The following KIF26B variants were observed in gnomAD, a reference collection of about 807,000 sequenced individuals.
KIF26B encodes kinesin family member 26B.
In KIF26B, 63 loss-of-function variants were observed where a neutral mutation model predicts 151.2. The ratio of observed to expected loss-of-function variants is 0.42; its 90% CI spans 0.34 to 0.51. KIF26B has a LOEUF of 0.51. Ranked by LOEUF, KIF26B falls within the 20% of genes least tolerant of loss-of-function variation. The pLI is 0.07. For synonymous variants in KIF26B, 1,357 were observed against 1,262.1 expected (o/e 1.08, Z -1.59); for missense variants, 2,813 against 2,913.6 (o/e 0.97, Z 0.79).
At chr1:245,580,532 T>C (rs144411818) in intron 5 of KIF26B, among the ~76,000 whole-genome samples, 105 of 152,146 alleles carry the variant, frequency 6.9e-4, no homozygotes, top group African/African-American at 2.4e-3. Flanking sequence ...GAGGGAACCA[T>C]GTTGGGGGGA....
intron 3 of KIF26B, among the ~76,000 whole-genome samples, chr1:245,391,381 ACTC>A (rs979747942): frequency 1.2e-4 from 19 of 152,274 alleles, no homozygotes; most frequent in Non-Finnish European, 2.5e-4. Context: ...CTATTCAAAT[ACTC>A]CTCCATATTC....
At chr1:245,678,734 A>G (rs560627935) in intron 10 of KIF26B, among the ~76,000 whole-genome samples, 13 of 152,096 alleles carry the variant, frequency 8.5e-5, no homozygotes, top group South Asian at 2.1e-4. Context: ...GTGGTGGTGC[A>G]TGCCTGTAGT....
intron 4 of KIF26B, among the ~76,000 whole-genome samples, chr1:245,529,034 A>G (rs1661304559): frequency 6.6e-6 from 1 of 152,198 alleles, no homozygotes; most frequent in Non-Finnish European, 1.5e-5. Context: ...TCATTAGTGC[A>G]GAAGTCCTCA....
chr1:245,508,189 C>CCATTCATT (rs201663658), intron 4 of KIF26B, among the ~76,000 whole-genome samples: 2 of 152,178 alleles, frequency 1.3e-5, no homozygotes, highest in African/African-American at 2.4e-5. Context: ...CTTCACCATT[C>CCATTCATT]CATTCATTCA....
intron 2 of KIF26B, among the ~76,000 whole-genome samples, chr1:245,201,244 A>T (rs138464154): frequency 6.6e-6 from 1 of 152,360 alleles, no homozygotes; most frequent in Non-Finnish European, 1.5e-5. Context: ...CACGCAACAA[A>T]TAGTCTAGAT....
At chr1:245,487,427 G>GT (rs1660306468) in intron 4 of KIF26B, among the ~76,000 whole-genome samples, 1 of 152,176 alleles carries the variant, frequency 6.6e-6, no homozygotes, top group South Asian at 2.1e-4. Context: ...GTGCTGGCCA[G>GT]TACTCTAGCC....
chr1:245,291,643 G>A (rs1421660673), intron 2 of KIF26B, among the ~76,000 whole-genome samples: 5 of 152,194 alleles, frequency 3.3e-5, no homozygotes, highest in African/African-American at 1.2e-4. Context: ...ACAGATTCCT[G>A]TTCTCCACTG....
intron 10 of KIF26B, among the ~76,000 whole-genome samples, chr1:245,661,425 C>T (rs145215892): frequency 1.9e-3 from 287 of 152,060 alleles, no homozygotes; most frequent in African/African-American, 6.6e-3. Flanking sequence ...GCTTTGATCC[C>T]ACTGTTAGCG....
rs1043878294 is a variant in KIF26B, at chr1:245,545,197, GTTCAAGTGA to G, written c.1350+4251_1350+4259del. 5.9e-5 allele frequency among the ~76,000 whole-genome samples: 9 copies of G among 151,988 alleles called. No individual in the cohort carries two copies. In the East Asian group the frequency reaches 1.7e-3, roughly 29 times the overall value. ...GCTCACTGCAACCTCCACCTCCGGG[GTTCAAGTGA>G]TTCTCTTGCCTCAGCCTCCCAAGTA... On this transcript the variant is annotated intron_variant, in intron 5 of 14. Transcript: ENST00000407071.
chr1:245,588,090 C>T (rs2043246417), intron 5 of KIF26B, among the ~76,000 whole-genome samples: 2 of 152,170 alleles, frequency 1.3e-5, no homozygotes, highest in Admixed American at 6.5e-5. Context: ...CCTCCACAGC[C>T]CCAGCCTTTC....
intron 9 of KIF26B, among the ~76,000 whole-genome samples, chr1:245,636,164 T>C (rs2043831877): frequency 6.6e-6 from 1 of 152,164 alleles, no homozygotes; most frequent in Admixed American, 6.6e-5. Context: ...TATATCCTTA[T>C]GGTTTTCTGT....
intron 2 of KIF26B, among the ~76,000 whole-genome samples, chr1:245,179,058 A>G (rs1203161763): frequency 6.6e-6 from 1 of 152,142 alleles, no homozygotes; most frequent in African/African-American, 2.4e-5. Flanking sequence ...AGCATTAGAG[A>G]TATTTAATGA....
At chr1:245,373,888 C>A (rs1380075074) in intron 3 of KIF26B, among the ~76,000 whole-genome samples, 1 of 149,844 alleles carries the variant, frequency 6.7e-6, no homozygotes, top group Non-Finnish European at 1.5e-5. Context: ...AGTAAAACCC[C>A]TTCTCTACAC....
At chr1:245,662,607 ACCC>A (rs2044164685) in intron 10 of KIF26B, among the ~76,000 whole-genome samples, 1 of 65,318 alleles carries the variant, frequency 1.5e-5, no homozygotes, top group East Asian at 3.6e-4. Flanking sequence ...ATACACAGAC[ACCC>A]AATATATATA....
intron 2 of KIF26B, among the ~76,000 whole-genome samples, chr1:245,238,650 C>T (rs1185013942): frequency 1.3e-5 from 2 of 152,146 alleles, no homozygotes; most frequent in African/African-American, 4.8e-5. Context: ...CACTTGAGGT[C>T]AGGAGTTTGA....
chr1:245,264,575 C>G (rs1009656364), intron 2 of KIF26B, among the ~76,000 whole-genome samples: 3 of 149,972 alleles, frequency 2.0e-5, no homozygotes, highest in African/African-American at 7.4e-5. Flanking sequence ...GATTATTGTT[C>G]TTAAAAAAAA....
chr1:245,557,921 T>G (rs1473183731), intron 5 of KIF26B, among the ~76,000 whole-genome samples: 1 of 152,154 alleles, frequency 6.6e-6, no homozygotes. Context: ...AGGAGGCTGG[T>G]CACTGGCAAC....
chr1:245,482,001 A>T (rs1202453341), intron 4 of KIF26B, among the ~76,000 whole-genome samples: 1 of 151,850 alleles, frequency 6.6e-6, no homozygotes, highest in African/African-American at 2.4e-5. Flanking sequence ...GAAAGATAAC[A>T]AACGAGAGAG....
At chr1:245,571,900 C>T (rs2043069441) in intron 5 of KIF26B, among the ~76,000 whole-genome samples, 1 of 152,182 alleles carries the variant, frequency 6.6e-6, no homozygotes, top group Non-Finnish European at 1.5e-5. Flanking sequence ...AAAGAGGTAT[C>T]TACCATCAAA....
Sources: gnomAD v4.1 joint callset for allele counts (sites outside exome capture counted in the v4.1 genomes callset) on GRCh38, gnomAD v4.1.1 for gene constraint, MANE v1.5 for transcripts, NCBI Gene and HGNC (gene_info 2026-07-23, HGNC 2026-07-21) for gene names.